Variants in LSAMP observed in about 807,000 individuals in gnomAD.
LSAMP encodes the protein limbic system-associated membrane protein.
Under a neutral mutation model 38.6 loss-of-function variants are expected in LSAMP, and 7 were observed. That is an observed-to-expected ratio of 0.18 (90% CI 0.10 to 0.34). The LOEUF (loss-of-function observed/expected upper bound fraction) is 0.34, where lower values mean the gene tolerates loss of function less well. LSAMP is among the 10% of genes least tolerant of loss of function. LSAMP has a pLI of 1.00. For missense variants in LSAMP, 313 were observed against 420.0 expected (o/e 0.75, Z 2.23); for synonymous variants, 154 against 166.8 (o/e 0.92, Z 0.59).
chr3:116,285,623 T>C (rs2047185500), intron 1 of LSAMP, among the ~76,000 whole-genome samples: 1 of 152,024 alleles, frequency 6.6e-6, no homozygotes, highest in Non-Finnish European at 1.5e-5. Context: ...TAGAAACAAG[T>C]GATGGTATTT....
chr3:115,918,678 T>A (rs1450105097), intron 3 of LSAMP, among the ~76,000 whole-genome samples: 1 of 151,354 alleles, frequency 6.6e-6, no homozygotes. Context: ...GCTTCATTTT[T>A]AGATTAGGGA....
intron 1 of LSAMP, among the ~76,000 whole-genome samples, chr3:116,305,328 A>T (rs1357271768): frequency 6.6e-6 from 1 of 152,148 alleles, no homozygotes; most frequent in Non-Finnish European, 1.5e-5. Flanking sequence ...GTACAGTTCT[A>T]AAATCTAGGA....
chr3:116,220,758 G>A (rs2046274164), intron 1 of LSAMP, among the ~76,000 whole-genome samples: 1 of 152,156 alleles, frequency 6.6e-6, no homozygotes, highest in Non-Finnish European at 1.5e-5. Flanking sequence ...CGGTGGATAG[G>A]AGAACAATGT....
chr3:116,228,367 A>G (rs1365567502), intron 1 of LSAMP, among the ~76,000 whole-genome samples: 1 of 152,094 alleles, frequency 6.6e-6, no homozygotes, highest in Non-Finnish European at 1.5e-5. Flanking sequence ...ATCACAACTC[A>G]GCCTCTGAAA....
chr3:116,083,998 T>C (rs1393407325), intron 2 of LSAMP, among the ~76,000 whole-genome samples: 3 of 152,154 alleles, frequency 2.0e-5, no homozygotes, highest in African/African-American at 4.8e-5. Context: ...AAGTACAAGC[T>C]TTGTTGTTGA....
chr3:116,390,793 T>C (rs995934770), intron 1 of LSAMP, among the ~76,000 whole-genome samples: 10 of 120,038 alleles, frequency 8.3e-5, no homozygotes, highest in Non-Finnish European at 1.4e-4. Context: ...GTAACAATAA[T>C]ATCCATATAT....
chr3:116,430,020 T>G (rs911624361), intron 1 of LSAMP, among the ~76,000 whole-genome samples: 6 of 152,098 alleles, frequency 3.9e-5, no homozygotes, highest in Non-Finnish European at 7.4e-5. Context: ...TGTGGCAAAG[T>G]AATAGAGGGA....
chr3:116,286,159 G>A (rs1450384569), intron 1 of LSAMP, among the ~76,000 whole-genome samples: 2 of 152,150 alleles, frequency 1.3e-5, no homozygotes, highest in African/African-American at 4.8e-5. Context: ...TAGGGAACAG[G>A]GAAGCTTTGC....
chr3:115,973,613 A>G (rs1001145218), intron 3 of LSAMP, among the ~76,000 whole-genome samples: 9 of 152,092 alleles, frequency 5.9e-5, no homozygotes, highest in Non-Finnish European at 1.3e-4. Context: ...AGGTGCCTGT[A>G]ATCCCAGCGA....
chr3:115,987,805 C>T (rs778427975), intron 3 of LSAMP, among the ~76,000 whole-genome samples: 19 of 152,038 alleles, frequency 1.2e-4, no homozygotes, highest in Non-Finnish European at 2.4e-4. Flanking sequence ...GCATATTTTG[C>T]AGTCAGGAGA....
intron 1 of LSAMP, among the ~76,000 whole-genome samples, chr3:116,426,983 A>T (rs2049205444): frequency 6.6e-6 from 1 of 151,592 alleles, no homozygotes; most frequent in East Asian, 1.9e-4. Flanking sequence ...AGACTGATTT[A>T]TTCTATTTAT....
At chr3:116,175,001 C>A (rs572413430) in intron 1 of LSAMP, among the ~76,000 whole-genome samples, 2 of 152,070 alleles carry the variant, frequency 1.3e-5, no homozygotes, top group South Asian at 4.1e-4. Context: ...TCAAATGTCT[C>A]CTCCATCAAT....
At chr3:115,892,640 C>T (rs1002595786) in intron 3 of LSAMP, among the ~76,000 whole-genome samples, 1 of 151,616 alleles carries the variant, frequency 6.6e-6, no homozygotes, top group African/African-American at 2.4e-5. Flanking sequence ...CAGTGTCATG[C>T]TATATATTTG....
intron 3 of LSAMP, among the ~76,000 whole-genome samples, chr3:115,934,338 C>T (rs896450191): frequency 6.6e-6 from 1 of 151,702 alleles, no homozygotes; most frequent in African/African-American, 2.4e-5. Flanking sequence ...CCACCATGCC[C>T]GGCTAATTTT....
At chr3:116,258,351 T>TA (rs1483440453) in intron 1 of LSAMP, among the ~76,000 whole-genome samples, 2 of 152,064 alleles carry the variant, frequency 1.3e-5, no homozygotes, top group African/African-American at 4.8e-5. Context: ...ACCAACAACT[T>TA]ATTTAAATAT....
At chr3:116,080,681 TATTAACAGCCA>T (rs2107408436) in intron 2 of LSAMP, among the ~76,000 whole-genome samples, 1 of 152,248 alleles carries the variant, frequency 6.6e-6, no homozygotes, top group East Asian at 1.9e-4. Context: ...GAACCTGACC[TATTAACAGCCA>T]ATCAAGAGGC....
At chr3:116,175,332 T>C (rs190643214) in intron 1 of LSAMP, among the ~76,000 whole-genome samples, 2 of 152,244 alleles carry the variant, frequency 1.3e-5, no homozygotes, top group East Asian at 3.9e-4. Flanking sequence ...AGTGATCAGA[T>C]CAATGTAATT....
At chr3:116,025,955 T>C (rs1394500533) in intron 2 of LSAMP, among the ~76,000 whole-genome samples, 1 of 152,198 alleles carries the variant, frequency 6.6e-6, no homozygotes, top group Non-Finnish European at 1.5e-5. Context: ...CACATTTCTT[T>C]CTTTTGTTTT....
chr3:116,296,715 A>G (rs1339930200), intron 1 of LSAMP, among the ~76,000 whole-genome samples: 2 of 150,884 alleles, frequency 1.3e-5, no homozygotes, highest in African/African-American at 2.4e-5. Context: ...AAAAAAAAAA[A>G]AAAAAAAAGA....
Sources: allele counts gnomAD v4.1 joint callset (sites outside exome capture counted in the v4.1 genomes callset), GRCh38; gene constraint gnomAD v4.1.1; transcripts MANE v1.5; gene names NCBI Gene and HGNC (gene_info 2026-07-23, HGNC 2026-07-21).